The following ZMIZ1 variants were observed in gnomAD, a reference collection of about 807,000 sequenced individuals.
The protein encoded by ZMIZ1 is zinc finger MIZ domain-containing protein 1.
In ZMIZ1, 17 loss-of-function variants were observed where a neutral mutation model predicts 113.9. That is an observed-to-expected ratio of 0.15 (90% confidence interval 0.10 to 0.22). The LOEUF (loss-of-function observed/expected upper bound fraction) is 0.22. ZMIZ1 is among the 10% of genes least tolerant of loss of function. The pLI, the probability that ZMIZ1 is intolerant of heterozygous loss-of-function variation, is 1.00. For missense variants in ZMIZ1, 1,059 were observed against 1,477.8 expected (o/e 0.72, Z 4.65); for synonymous variants, 607 against 603.1 (o/e 1.01, Z -0.09).
At chr10:79,084,749 C>T (rs1842756892) in intron 1 of ZMIZ1, among the ~76,000 whole-genome samples, 1 of 151,938 alleles carries the variant, frequency 6.6e-6, no homozygotes, top group African/African-American at 2.4e-5. Flanking sequence ...ACATAGCTGC[C>T]TGAGTCAAGC....
chr10:79,307,371 G>A (rs1854780221), intron 22 of ZMIZ1, 34 bp from the exon 23 acceptor site: 1 of 1,602,630 alleles, frequency 6.2e-7, no homozygotes, highest in Non-Finnish European at 8.5e-7. Context: ...CCCTCTGGGT[G>A]ACCCCCTCCC....
intron 1 of ZMIZ1, among the ~76,000 whole-genome samples, chr10:79,085,487 C>T (rs1254798680): frequency 6.6e-6 from 1 of 152,238 alleles, no homozygotes; most frequent in African/African-American, 2.4e-5. Context: ...CAGGTGCCGT[C>T]TGGCCTGCAC....
chr10:79,242,743 C>A (rs1175546585), intron 7 of ZMIZ1, among the ~76,000 whole-genome samples: 1 of 152,044 alleles, frequency 6.6e-6, no homozygotes, highest in African/African-American at 2.4e-5. Context: ...GCCCCACTCG[C>A]ACAAGTGTTG....
intron 6 of ZMIZ1, among the ~76,000 whole-genome samples, chr10:79,211,986 C>T (rs900847596): frequency 1.3e-5 from 2 of 152,156 alleles, no homozygotes; most frequent in African/African-American, 2.4e-5. Context: ...TTTCGGGTCC[C>T]GCCCCCTGCC....
intron 4 of ZMIZ1, among the ~76,000 whole-genome samples, chr10:79,198,868 T>C (rs995470424): frequency 3.3e-5 from 5 of 152,192 alleles, no homozygotes; most frequent in African/African-American, 1.2e-4. Flanking sequence ...ACCCCATCTC[T>C]ATTAAAAATA....
intron 1 of ZMIZ1, among the ~76,000 whole-genome samples, chr10:79,105,510 T>C (rs994231101): frequency 4.6e-5 from 7 of 152,230 alleles, no homozygotes; most frequent in Non-Finnish European, 7.3e-5. Flanking sequence ...CAGGAGTTCA[T>C]GTTAATCAGG....
intron 4 of ZMIZ1, among the ~76,000 whole-genome samples, chr10:79,164,604 C>CG (rs1460815373): frequency 6.6e-6 from 1 of 152,190 alleles, no homozygotes; most frequent in Non-Finnish European, 1.5e-5. Context: ...TGGTGAACTC[C>CG]GGCCAGGAGA....
rs755780886 is a variant in ZMIZ1 at position 79,306,184 on chromosome 10, C to A, written c.2508C>A (p.Asp836Glu). ...PIKSDLHIKDDPDGIPSKRFK... is the reference protein window; with the variant it reads ...PIKSDLHIKDEPDGIPSKRFK... ...AGTCGGACTTACACATCAAGGACGA[C>A]CCTGATGGCATCCCCTCCAAGCGGT... The change falls in exon 22 of 25, where the codon GAC becomes GAA. Residue 836 changes from aspartate to glutamate, a missense_variant. Transcript: ENST00000334512. 10 of 1,614,158 alleles carry A rather than the reference C, an allele frequency of 6.2e-6. No homozygotes were observed. The highest frequency in any genetic ancestry group is 1.7e-5 in the Admixed American group (1 of 60,026).
intron 1 of ZMIZ1, among the ~76,000 whole-genome samples, chr10:79,086,044 C>T (rs956662592): frequency 6.6e-6 from 1 of 152,186 alleles, no homozygotes; most frequent in African/African-American, 2.4e-5. Flanking sequence ...TGGGACTCTC[C>T]TTTGGAGTCT....
At chr10:79,194,537 T>C (rs1847752794) in intron 4 of ZMIZ1, among the ~76,000 whole-genome samples, 1 of 152,224 alleles carries the variant, frequency 6.6e-6, no homozygotes, top group Non-Finnish European at 1.5e-5. Context: ...AGGAGCCCCC[T>C]GAGGGCTGTT....
At chr10:79,284,139 T>C (rs997022201) in intron 8 of ZMIZ1, among the ~76,000 whole-genome samples, 1 of 152,232 alleles carries the variant, frequency 6.6e-6, no homozygotes, top group Non-Finnish European at 1.5e-5. Context: ...GAGCCAGGAA[T>C]CATCACTGCC....
chr10:79,272,309 A>G (rs1350462122), intron 7 of ZMIZ1, among the ~76,000 whole-genome samples: 1 of 152,152 alleles, frequency 6.6e-6, no homozygotes, highest in African/African-American at 2.4e-5. Context: ...AAAATAGCAC[A>G]ATAACCCTAA....
chr10:79,315,454 C>A lies in ZMIZ1; in HGVS notation c.*2705C>A, dbSNP rs78020667. Reference sequence around the variant, plus strand: ...AACCTCAGCAAAAACGAGGCCTCTGCAAGCCACTTTTCCATGCCAAGCATC... The same window carrying A: ...AACCTCAGCAAAAACGAGGCCTCTGAAAGCCACTTTTCCATGCCAAGCATC... On this transcript the variant is annotated 3_prime_UTR_variant, in exon 25 of 25. Coordinates refer to ENST00000334512, the MANE Select transcript of ZMIZ1 (RefSeq NM_020338.4). 6.5e-6 allele frequency: 1 copy of A among 152,878 alleles called. No individual in the cohort carries two copies. Among genetic ancestry groups the A allele is most frequent in the East Asian group, 1.9e-4 (1 of 5,254 alleles). The allele number at this position is 152,878 out of a possible 1,614,324, so 9.5% of individuals were successfully genotyped here.
intron 7 of ZMIZ1, among the ~76,000 whole-genome samples, chr10:79,261,475 A>C (rs1222140659): frequency 2.6e-5 from 4 of 152,194 alleles, no homozygotes; most frequent in Non-Finnish European, 5.9e-5. Context: ...TCCCTCCCCC[A>C]GCTGCTCTGG....
chr10:79,252,849 G>A (rs1041591521), intron 7 of ZMIZ1, among the ~76,000 whole-genome samples: 1 of 152,218 alleles, frequency 6.6e-6, no homozygotes, highest in African/African-American at 2.4e-5. Context: ...GCAGCCCTTG[G>A]TATGTGCAGG....
At position 79,312,813 on chromosome 10, in the gene ZMIZ1, T is replaced by C; in HGVS notation, c.*64T>C. The C allele has an allele frequency of 6.5e-7, 1 of 1,528,156 alleles. No individual in the cohort carries two copies. The highest frequency in any genetic ancestry group is 1.7e-5 in the Admixed American group (1 of 59,238). The allele number at this position is 1,528,156 out of a possible 1,614,324, so 94.7% of individuals were successfully genotyped here. On this transcript the variant is annotated 3_prime_UTR_variant, in exon 25 of 25. Transcript: ENST00000334512. ...CCTACCCCACCTACCCAACACACTT[T>C]TCCACCTGGGAGCCTGTGCCCTCAG...
intron 1 of ZMIZ1, among the ~76,000 whole-genome samples, chr10:79,079,635 G>T (rs574347886): frequency 1.3e-5 from 2 of 148,554 alleles, no homozygotes; most frequent in Admixed American, 6.8e-5. Context: ...CCTGGCACTG[G>T]GGCCGGGGGG....
intron 1 of ZMIZ1, among the ~76,000 whole-genome samples, chr10:79,098,394 T>A (rs10824715): frequency 1.3e-5 from 2 of 152,002 alleles, no homozygotes; most frequent in Admixed American, 6.5e-5. Context: ...CTCCCACACT[T>A]AGCAGCTGGG....
intron 7 of ZMIZ1, among the ~76,000 whole-genome samples, chr10:79,259,238 AG>A (rs1001287538): frequency 1.3e-5 from 2 of 152,038 alleles, no homozygotes; most frequent in African/African-American, 4.8e-5. Flanking sequence ...GGGGCAGGGA[AG>A]GGGGGGCTGG....
Sources: gnomAD v4.1 joint callset for allele counts (sites outside exome capture counted in the v4.1 genomes callset) on GRCh38, gnomAD v4.1.1 for gene constraint, MANE v1.5 for transcripts, NCBI Gene and HGNC (gene_info 2026-07-23, HGNC 2026-07-21) for gene names.